Variants in TSPAN5 observed in about 807,000 individuals in gnomAD.
The protein encoded by TSPAN5 is tetraspanin-5.
A neutral mutation model predicts 37.1 loss-of-function variants in TSPAN5; 10 were observed. The observed-to-expected ratio is 0.27, with a 90% CI of 0.17 to 0.46. TSPAN5 has a LOEUF of 0.46. Among genes scored for constraint, TSPAN5 ranks in the 20% least tolerant of loss-of-function variants. TSPAN5 has a pLI of 1.00. For missense variants in TSPAN5, 195 were observed against 326.6 expected (o/e 0.60, Z 3.11); for synonymous variants, 110 against 118.9 (o/e 0.93, Z 0.48).
chr4:98,499,228 G>A (rs573925336), intron 2 of TSPAN5, among the ~76,000 whole-genome samples: 111 of 152,336 alleles, frequency 7.3e-4, no homozygotes, highest in East Asian at 1.9e-3. Context: ...GCTTCTGCCC[G>A]GGCAGGCGGT....
chr4:98,605,064 G>A (rs1426411057), intron 1 of TSPAN5, among the ~76,000 whole-genome samples: 1 of 152,130 alleles, frequency 6.6e-6, no homozygotes, highest in Middle Eastern at 3.2e-3. Flanking sequence ...GTATTTCCAT[G>A]AAAGAAGTCA....
intron 2 of TSPAN5, among the ~76,000 whole-genome samples, chr4:98,490,472 G>A (rs536343962): frequency 6.6e-6 from 1 of 152,028 alleles, no homozygotes; most frequent in Non-Finnish European, 1.5e-5. Context: ...CTGTTTCCAC[G>A]GAAACAACAA....
chr4:98,478,603 C>A (rs1045313641), intron 5 of TSPAN5, 82 bp downstream of exon 5: 12 of 1,584,148 alleles, frequency 7.6e-6, no homozygotes, highest in Non-Finnish European at 1.0e-5. Context: ...GAGGGTTCAA[C>A]CAAAAAATCA....
intron 2 of TSPAN5, among the ~76,000 whole-genome samples, chr4:98,502,129 C>T (rs10009693): frequency 0.11 from 17,411 of 152,104 alleles, 1,180 homozygotes; most frequent in Admixed American, 0.18. Context: ...GTTTCTTTAC[C>T]GCAATTGGGA....
intron 2 of TSPAN5, among the ~76,000 whole-genome samples, chr4:98,489,416 A>G (rs1753038639): frequency 6.6e-6 from 1 of 152,188 alleles, no homozygotes; most frequent in Admixed American, 6.5e-5. Flanking sequence ...AGGGGGAGGG[A>G]CAATGATCGA....
chr4:98,599,254 C>T (rs200782545), intron 1 of TSPAN5, among the ~76,000 whole-genome samples: 2 of 152,068 alleles, frequency 1.3e-5, no homozygotes, highest in Non-Finnish European at 2.9e-5. Context: ...GACCCTCCTG[C>T]GTCAGCCTCC....
intron 1 of TSPAN5, among the ~76,000 whole-genome samples, chr4:98,595,247 C>G (rs1332720885): frequency 1.2e-4 from 13 of 104,864 alleles, no homozygotes; most frequent in Admixed American, 3.9e-4. Context: ...GTAGTATTCT[C>G]TGATGGTAGT....
intron 1 of TSPAN5, among the ~76,000 whole-genome samples, chr4:98,547,991 G>A (rs1754507255): frequency 7.1e-6 from 1 of 141,396 alleles, no homozygotes; most frequent in Non-Finnish European, 1.5e-5. Context: ...CAGCCTGGGC[G>A]ACAGAGCGAG....
At chr4:98,630,305 G>A (rs893644333) in intron 1 of TSPAN5, among the ~76,000 whole-genome samples, 1 of 152,104 alleles carries the variant, frequency 6.6e-6, no homozygotes. Context: ...AAAACAACAT[G>A]GCACATGTTC....
intron 1 of TSPAN5, among the ~76,000 whole-genome samples, chr4:98,631,093 C>T (rs1756735833): frequency 6.6e-6 from 1 of 152,192 alleles, no homozygotes; most frequent in South Asian, 2.1e-4. Context: ...CTCATTTCAC[C>T]TTTCTTTTCA....
intron 2 of TSPAN5, chr4:98,496,427 T>C (rs1356414281): frequency 6.6e-6 from 1 of 152,250 alleles, no homozygotes; most frequent in African/African-American, 2.4e-5. Flanking sequence ...GATACAAGGA[T>C]AAAAGACGAC....
At position 98,626,688 on chromosome 4, in the gene TSPAN5, G is replaced by A. The variant is rs552492622; in HGVS notation, c.81+31458C>T. 2.6e-5 allele frequency among the ~76,000 whole-genome samples: 4 copies of A among 152,134 alleles called. No homozygotes were observed. In the East Asian group the frequency reaches 7.8e-4, roughly 30 times the overall value. On this transcript the variant is annotated intron_variant, in intron 1 of 7. Coordinates refer to ENST00000305798, the MANE Select transcript of TSPAN5 (RefSeq NM_005723.4). ...CAGCCTGTTCCTTCCCTTCCTTGGGGTTCCTGCTCCACAATCACTAGTGTG... is the reference window on the plus strand; with the variant it reads ...CAGCCTGTTCCTTCCCTTCCTTGGGATTCCTGCTCCACAATCACTAGTGTG...
At chr4:98,522,507 C>T (rs1047805655) in intron 1 of TSPAN5, among the ~76,000 whole-genome samples, 3 of 152,216 alleles carry the variant, frequency 2.0e-5, no homozygotes, top group Admixed American at 6.5e-5. Flanking sequence ...TATTTCCATA[C>T]CCATGTTTAA....
chr4:98,641,379 GCTTAA>G (rs2110277989), intron 1 of TSPAN5, among the ~76,000 whole-genome samples: 1 of 152,234 alleles, frequency 6.6e-6, no homozygotes, highest in South Asian at 2.1e-4. Flanking sequence ...ATGCCATCAA[GCTTAA>G]CTTACTCAAT....
intron 1 of TSPAN5, among the ~76,000 whole-genome samples, chr4:98,614,614 T>C (rs1756276739): frequency 6.6e-6 from 1 of 152,156 alleles, no homozygotes; most frequent in Non-Finnish European, 1.5e-5. Flanking sequence ...TGACAAAACA[T>C]TTTAACGCCT....
chr4:98,478,881 GA>G, intron 4 of TSPAN5, 71 bp from the exon 5 acceptor site: 2 of 1,568,440 alleles, frequency 1.3e-6, no homozygotes. Flanking sequence ...CACACCCGCC[GA>G]ACGACACCAG....
At chr4:98,499,469 T>C (rs1239094316) in intron 2 of TSPAN5, among the ~76,000 whole-genome samples, 1 of 152,194 alleles carries the variant, frequency 6.6e-6, no homozygotes, top group African/African-American at 2.4e-5. Flanking sequence ...AACAAAGTCA[T>C]TGAATTTTTG....
At chr4:98,653,269 C>T (rs533837972) in intron 1 of TSPAN5, among the ~76,000 whole-genome samples, 3 of 152,184 alleles carry the variant, frequency 2.0e-5, no homozygotes, top group African/African-American at 7.2e-5. Context: ...CCCCCACCGC[C>T]CCAAGGTTTC....
rs572923728 is a variant in TSPAN5 at position 98,635,651 on chromosome 4, A to C, written c.81+22495T>G. 2.0e-5 allele frequency among the ~76,000 whole-genome samples: 3 copies of C among 152,248 alleles called. No individual in the cohort carries two copies. The East Asian group carries it at 5.8e-4, about 29-fold the overall frequency. On this transcript the variant is annotated intron_variant, in intron 1 of 7. Transcript: ENST00000305798. ...TGGAAAATAAGGTGCTGAACGGGGG[A>C]AAAAAAGAGACTACAGCAAAACAGA...
Sources: allele counts gnomAD v4.1 joint callset (sites outside exome capture counted in the v4.1 genomes callset), GRCh38; gene constraint gnomAD v4.1.1; transcripts MANE v1.5; gene names NCBI Gene and HGNC (gene_info 2026-07-23, HGNC 2026-07-21).